The following RCOR3 variants were observed in gnomAD, a reference collection of about 807,000 sequenced individuals.
RCOR3 encodes the protein REST corepressor 3.
In RCOR3, 13 loss-of-function variants were observed where a neutral mutation model predicts 64.1. The observed-to-expected ratio is 0.20, with a 90% CI of 0.13 to 0.32. RCOR3 has a LOEUF of 0.32. Ranked by LOEUF, RCOR3 falls within the 10% of genes least tolerant of loss-of-function variation. The pLI is 1.00. For synonymous variants in RCOR3, 215 were observed against 239.0 expected, an observed-to-expected ratio of 0.90 and a Z score of 0.93; for missense variants, 489 against 701.2, an observed-to-expected ratio of 0.70 and a Z score of 3.42.
Position 211,278,207 on chromosome 1 carries a change from C to T in RCOR3, c.607C>T (p.Arg203Cys), listed in dbSNP as rs1455216942. 1.4e-5 allele frequency: 23 copies of T among 1,613,150 alleles called. 1 individual carries two copies. The highest frequency in any genetic ancestry group is 2.2e-5 in the East Asian group (1 of 44,816). The change falls in exon 6 of 12, where the codon CGT becomes TGT. Residue 203 changes from arginine to cysteine, a missense_variant. Coordinates refer to ENST00000419091, the MANE Select transcript of RCOR3 (RefSeq NM_001136223.3). ...GACAAGTTTGATGGATCGCCAGGCT[C>T]GTAAACTAGCTAATAGACATAATCA... The part of the protein sequence containing the change: ...SRTSLMDRQA[R>C]KLANRHNQGD...
intron 2 of RCOR3, 77 bp downstream of exon 2, chr1:211,260,241 G>C: frequency 7.3e-7 from 1 of 1,376,970 alleles, no homozygotes; most frequent in South Asian, 1.2e-5. Context: ...TAGGAGTCCG[G>C]GCATGGGGCC....
Position 211,312,654 on chromosome 1 carries a change from G to A in RCOR3, c.1076-66G>A. The A allele has an allele frequency of 1.9e-6, 2 of 1,062,342 alleles. No homozygotes were observed. The allele number at this position is 1,062,342 out of a possible 1,614,324, so 65.8% of individuals were successfully genotyped here. A position where few individuals can be genotyped will look rare whatever the true frequency, so the allele number is the denominator to read the frequency against. On this transcript the variant is annotated intron_variant, in intron 10 of 11. Coordinates refer to ENST00000419091, the MANE Select transcript of RCOR3 (RefSeq NM_001136223.3). This position sits in a 1 kb window ranked among gnomAD's most constrained non-coding sequence, Gnocchi z 5.0. ...TTGCTGGTATCTTTTGTGTGTGCAT[G>A]ATGTATAGTACACACAGCTCTCCTT...
intron 2 of RCOR3, among the ~76,000 whole-genome samples, chr1:211,268,569 G>C (rs1695625561): frequency 6.6e-6 from 1 of 151,606 alleles, no homozygotes; most frequent in South Asian, 2.1e-4. Flanking sequence ...TAGAGATGAG[G>C]TTTCTCCATG....
intron 10 of RCOR3, among the ~76,000 whole-genome samples, chr1:211,309,208 A>C (rs1196265496): frequency 6.6e-6 from 1 of 152,138 alleles, no homozygotes; most frequent in Non-Finnish European, 1.5e-5. Flanking sequence ...TTGTATGGAC[A>C]GACTCCACTA....
In RCOR3 at chr1:211,260,167, A is replaced by C. The variant is rs781755707; in HGVS notation, c.223+3A>C. On this transcript the variant is annotated splice_donor_region_variant and intron_variant, in intron 2 of 11. Transcript: ENST00000419091. ...TCGGATCCCTGAATTTGATCCAGGT[A>C]GATATATTTGCTTAAGCAAAATCTC... 1.2e-6 allele frequency: 2 copies of C among 1,611,880 alleles called. No individual in the cohort carries two copies. Among genetic ancestry groups the C allele is most frequent in the Non-Finnish European group, 1.7e-6 (2 of 1,178,448 alleles).
intron 2 of RCOR3, among the ~76,000 whole-genome samples, chr1:211,265,202 G>C (rs186136128): frequency 6.6e-6 from 1 of 152,226 alleles, no homozygotes; most frequent in Admixed American, 6.5e-5. Flanking sequence ...ATAATCTGTA[G>C]TGTATTGAAA....
At chr1:211,299,687 C>G (rs190487102) in intron 9 of RCOR3, among the ~76,000 whole-genome samples, 8 of 152,018 alleles carry the variant, frequency 5.3e-5, no homozygotes, top group African/African-American at 1.9e-4. Flanking sequence ...TGTCATAGAT[C>G]GTTCTAGAAG....
intron 2 of RCOR3, among the ~76,000 whole-genome samples, chr1:211,266,855 T>G (rs1361898975): frequency 6.6e-6 from 1 of 152,222 alleles, no homozygotes; most frequent in East Asian, 1.9e-4. Context: ...TACTTTCTCC[T>G]GTTTTATAGG....
chr1:211,288,727 C>G lies in RCOR3; in HGVS notation c.721-451C>G, dbSNP rs193209172. Among the ~76,000 whole-genome samples the G allele has an allele frequency of 2.6e-5, 4 of 151,860 alleles. No individual in the cohort carries two copies. In the East Asian group the frequency reaches 7.7e-4, roughly 29 times the overall value. The stretch of plus-strand genomic sequence containing the variant: ...CTGTAAAGTAAAAATGAAATGTTAT[C>G]TCTCTTTAACCAGCTGTCTAATCTG... On this transcript the variant is annotated intron_variant, in intron 7 of 11. Transcript: ENST00000419091.
intron 1 of RCOR3, 45 bp from the exon 2 acceptor site, chr1:211,260,062 TC>T: frequency 6.7e-7 from 1 of 1,484,980 alleles, no homozygotes; most frequent in Non-Finnish European, 9.0e-7. Flanking sequence ...TTCTTTCTTT[TC>T]TTCTTTTTTA....
intron 9 of RCOR3, among the ~76,000 whole-genome samples, chr1:211,300,913 C>T (rs1168096820): frequency 6.0e-5 from 9 of 151,070 alleles, no homozygotes; most frequent in Admixed American, 2.0e-4. Flanking sequence ...TGTATGCGTG[C>T]GTGCGTGTGT....
At chr1:211,265,460 G>T (rs1220878064) in intron 2 of RCOR3, among the ~76,000 whole-genome samples, 1 of 152,162 alleles carries the variant, frequency 6.6e-6, no homozygotes, top group Non-Finnish European at 1.5e-5. Flanking sequence ...GCTCACGCCT[G>T]TAATCCTGGC....
chr1:211,312,331 A>G lies in RCOR3; in HGVS notation c.1076-389A>G, dbSNP rs1249682190. 1 of 459,688 alleles carries G rather than the reference A, an allele frequency of 2.2e-6. No homozygotes were observed. Among genetic ancestry groups the G allele is most frequent in the Admixed American group, 2.3e-5 (1 of 42,626 alleles). 28.5% of individuals were successfully genotyped at this position (459,688 alleles called of 1,614,324 possible). A position where few individuals can be genotyped will look rare whatever the true frequency, so the allele number is the denominator to read the frequency against. On this transcript the variant is annotated intron_variant, in intron 10 of 11. Coordinates refer to ENST00000419091, the MANE Select transcript of RCOR3 (RefSeq NM_001136223.3). This position sits in a 1 kb window ranked among gnomAD's most constrained non-coding sequence, Gnocchi z 5.0. ...GGCTCATTCCCATCCAGTTTTGTTTACAAACGATGTTGCTCAAATTTAGGT... is the reference window on the plus strand; with the variant it reads ...GGCTCATTCCCATCCAGTTTTGTTTGCAAACGATGTTGCTCAAATTTAGGT...
In RCOR3 at chr1:211,279,292, T is replaced by C. The variant is rs774835515; in HGVS notation, c.696T>C (p.Asp232=). The part of the protein sequence containing the change: ...HPMDGNDSDY[D]PKKEAKKEGN... ...TGGATGGGAATGATAGTGATTATGA[T>C]CCCAAAAAAGAAGCCAAAAAAGAGG... The change falls in exon 7 of 12, where the codon GAT becomes GAC. Residue 232 remains aspartate (D), a synonymous_variant. Coordinates refer to ENST00000419091, the MANE Select transcript of RCOR3 (RefSeq NM_001136223.3). 6.2e-7 allele frequency: 1 copy of C among 1,611,986 alleles called. No individual in the cohort carries two copies. Among genetic ancestry groups the C allele is most frequent in the East Asian group, 2.2e-5 (1 of 44,762 alleles).
intron 7 of RCOR3, among the ~76,000 whole-genome samples, chr1:211,287,155 G>A (rs1480882450): frequency 3.9e-5 from 6 of 152,170 alleles, no homozygotes; most frequent in African/African-American, 7.2e-5. Context: ...TGTGGTTGGG[G>A]CACTCTTGGG....
chr1:211,268,349 T>A (rs72741144), intron 2 of RCOR3, among the ~76,000 whole-genome samples: 1 of 149,040 alleles, frequency 6.7e-6, no homozygotes, highest in Non-Finnish European at 1.5e-5. Context: ...TAAAAAGATA[T>A]ATCAAAGTTT....
intron 4 of RCOR3, among the ~76,000 whole-genome samples, chr1:211,275,978 A>C (rs1439416519): frequency 6.6e-6 from 1 of 152,230 alleles, no homozygotes; most frequent in Non-Finnish European, 1.5e-5. Flanking sequence ...GTGAACCTAC[A>C]AATCTGCTTT....
intron 7 of RCOR3, among the ~76,000 whole-genome samples, chr1:211,286,102 TTAA>T (rs1698483053): frequency 6.6e-6 from 1 of 152,212 alleles, no homozygotes; most frequent in Non-Finnish European, 1.5e-5. Flanking sequence ...GGCGTATGTA[TTAA>T]TATTTTATCT....
intron 7 of RCOR3, among the ~76,000 whole-genome samples, chr1:211,283,299 G>T (rs553487011): frequency 2.6e-5 from 4 of 152,348 alleles, no homozygotes; most frequent in African/African-American, 7.2e-5. Context: ...CTATACTGAA[G>T]TGCAAAGCAC....
Sources: allele counts gnomAD v4.1 joint callset (sites outside exome capture counted in the v4.1 genomes callset), GRCh38; gene constraint gnomAD v4.1.1; non-coding constraint Gnocchi (gnomAD v3.1); transcripts MANE v1.5; gene names NCBI Gene and HGNC (gene_info 2026-07-23, HGNC 2026-07-21).